Variants in ZHX2 observed in about 807,000 individuals in gnomAD.
ZHX2 encodes the protein zinc fingers and homeoboxes protein 2.
Under a neutral mutation model 21.9 loss-of-function variants are expected in ZHX2, and 6 were observed. The observed-to-expected ratio is 0.27, with a 90% CI of 0.15 to 0.54. The LOEUF (loss-of-function observed/expected upper bound fraction) is 0.54, where lower values mean the gene tolerates loss of function less well. Among genes scored for constraint, ZHX2 ranks in the 20% least tolerant of loss-of-function variants. ZHX2 has a pLI of 0.95. For missense variants in ZHX2, 908 were observed against 1,090.7 expected, an observed-to-expected ratio of 0.83 and a Z score of 2.36; for synonymous variants, 434 against 437.1, an observed-to-expected ratio of 0.99 and a Z score of 0.09.
At chr8:122,805,409 A>G (rs776498829) in intron 1 of ZHX2, among the ~76,000 whole-genome samples, 2 of 152,110 alleles carry the variant, frequency 1.3e-5, no homozygotes, top group African/African-American at 2.4e-5. Flanking sequence ...GCCACTCGAA[A>G]TCTGAGTGAC....
chr8:122,850,842 T>C (rs1289130093), intron 1 of ZHX2, among the ~76,000 whole-genome samples: 1 of 151,742 alleles, frequency 6.6e-6, no homozygotes. Context: ...CTCCACTCAT[T>C]CCCCTATCTC....
intron 2 of ZHX2, among the ~76,000 whole-genome samples, chr8:122,877,996 A>C (rs1421664898): frequency 1.3e-5 from 2 of 152,180 alleles, no homozygotes; most frequent in Non-Finnish European, 2.9e-5. Context: ...GGGGGAGAGC[A>C]AAGCTTGTAG....
chr8:122,925,675 C>T (rs779732184), intron 2 of ZHX2, among the ~76,000 whole-genome samples: 3 of 152,064 alleles, frequency 2.0e-5, no homozygotes, highest in Admixed American at 6.6e-5. Context: ...GAGAACAGCT[C>T]GAGCAAAGCC....
At chr8:122,877,742 A>G (rs577050927) in intron 2 of ZHX2, among the ~76,000 whole-genome samples, 1 of 152,060 alleles carries the variant, frequency 6.6e-6, no homozygotes, top group Non-Finnish European at 1.5e-5. Context: ...GACTGAGAGG[A>G]TGGGACTGGA....
chr8:122,913,164 G>C (rs1394351623), intron 2 of ZHX2, among the ~76,000 whole-genome samples: 1 of 152,056 alleles, frequency 6.6e-6, no homozygotes, highest in Non-Finnish European at 1.5e-5. Flanking sequence ...TTAGCGTAGT[G>C]GTTTTAAGGT....
At position 122,953,358 on chromosome 8, in the gene ZHX2, G is replaced by C. The variant is rs943900013; in HGVS notation, c.1848G>C (p.Gln616His). The C allele has an allele frequency of 3.1e-6, 5 of 1,613,990 alleles. No individual in the cohort carries two copies. The highest frequency in any genetic ancestry group is 4.2e-6 in the Non-Finnish European group (5 of 1,180,042). ...ATGGTGCTCTGTCTCGACTCGACCA[G>C]CTCTCCGGTGCCCAGTTAACAAGTT... Reference protein sequence around the residue: ...APNGALSRLDQLSGAQLTSSL... With the variant: ...APNGALSRLDHLSGAQLTSSL... Residue 616 changes from glutamine to histidine, a missense_variant, in exon 3 of 4, where the codon CAG (glutamine) becomes CAC (histidine). Gln to His is a conservative substitution (Grantham distance 24). This residue lies in a region of ZHX2 where 431 missense variants were observed against 428.6 expected (regional missense o/e 1.01). Coordinates refer to ENST00000314393, the MANE Select transcript of ZHX2 (RefSeq NM_014943.5). The surrounding 1 kb of genome is among the most constrained non-coding windows in gnomAD (Gnocchi z 4.6).
chr8:122,952,601 C>T lies in ZHX2; in HGVS notation c.1091C>T (p.Thr364Met), dbSNP rs369120446. The change falls in exon 3 of 4, where the codon ACG (threonine) becomes ATG (methionine). Residue 364 changes from threonine (T) to methionine (M), a missense_variant. By Grantham distance (81) the Thr-to-Met change is moderately conservative. Transcript: ENST00000314393. The surrounding 1 kb of genome is among the most constrained non-coding windows in gnomAD (Gnocchi z 6.9). ...AAGGTGACGCAGCCCATCCTCCAGA[C>T]GGCTCTACCGTGCCAGATCCTCGGC... ...PTKVTQPILQ[T>M]ALPCQILGQT... 62 of 1,614,068 alleles carry T rather than the reference C, an allele frequency of 3.8e-5. No individual in the cohort carries two copies. The highest frequency in any genetic ancestry group is 4.7e-5 in the Non-Finnish European group (55 of 1,180,044).
At chr8:122,857,391 C>G (rs999182841) in intron 1 of ZHX2, among the ~76,000 whole-genome samples, 1 of 152,124 alleles carries the variant, frequency 6.6e-6, no homozygotes, top group Non-Finnish European at 1.5e-5. Flanking sequence ...GCTGCCCTTC[C>G]CAATGCCAGA....
intron 1 of ZHX2, among the ~76,000 whole-genome samples, chr8:122,861,863 G>T (rs541436507): frequency 1.3e-5 from 2 of 152,152 alleles, no homozygotes; most frequent in Admixed American, 6.5e-5. Flanking sequence ...TGTTCTTCTC[G>T]CAGGTCAGTG....
intron 2 of ZHX2, among the ~76,000 whole-genome samples, chr8:122,912,253 C>A (rs550790456): frequency 6.6e-6 from 1 of 152,160 alleles, no homozygotes; most frequent in South Asian, 2.1e-4. Flanking sequence ...GTGGCAGAAA[C>A]GGCCTGGGAG....
Position 122,953,025 on chromosome 8 carries a change from C to T in ZHX2, c.1515C>T (p.Ser505=), listed in dbSNP as rs1483130302. Residue 505 remains serine, a synonymous_variant, in exon 3 of 4, where the codon TCC becomes TCT. Coordinates refer to ENST00000314393, the MANE Select transcript of ZHX2 (RefSeq NM_014943.5). This position sits in a 1 kb window ranked among gnomAD's most constrained non-coding sequence, Gnocchi z 4.6. ...GCATCGTCCACATCACCAGCGAATC[C>T]CTTGCCAAAGACCAGTTGGCCATCG... ...QRGIVHITSE[S]LAKDQLAIAA... 5.0e-6 allele frequency: 8 copies of T among 1,613,988 alleles called. No homozygotes were observed. Among genetic ancestry groups the T allele is most frequent in the Non-Finnish European group, 6.8e-6 (8 of 1,180,030 alleles).
At chr8:122,838,336 A>C (rs1165224424) in intron 1 of ZHX2, among the ~76,000 whole-genome samples, 2 of 152,168 alleles carry the variant, frequency 1.3e-5, no homozygotes, top group Non-Finnish European at 2.9e-5. Flanking sequence ...TTGTCTATGT[A>C]AGAGAAACTC....
chr8:122,808,748 C>T (rs1165863756), intron 1 of ZHX2: 1 of 152,224 alleles, frequency 6.6e-6, no homozygotes, highest in African/African-American at 2.4e-5. Flanking sequence ...TCCAGATTTA[C>T]AGCTGAGGAA....
intron 2 of ZHX2, among the ~76,000 whole-genome samples, chr8:122,866,570 C>T (rs902499896): frequency 4.6e-5 from 7 of 152,160 alleles, no homozygotes; most frequent in African/African-American, 1.4e-4. Context: ...TAAAACTATT[C>T]TAGATTCCTT....
chr8:122,948,183 T>C (rs1201205897), intron 2 of ZHX2, among the ~76,000 whole-genome samples: 1 of 152,152 alleles, frequency 6.6e-6, no homozygotes. Context: ...CAGAGTTGTT[T>C]GTGAAAATAA....
At chr8:122,849,062 G>T (rs577215081) in intron 1 of ZHX2, among the ~76,000 whole-genome samples, 2 of 152,162 alleles carry the variant, frequency 1.3e-5, no homozygotes, top group Non-Finnish European at 2.9e-5. Flanking sequence ...TCCACTGGTG[G>T]CTACCAAGAA....
chr8:122,973,185 C>A (rs531336403), intron 3 of ZHX2, 57 bp from the exon 4 acceptor site: 2 of 152,380 alleles, frequency 1.3e-5, no homozygotes, highest in African/African-American at 4.8e-5. Flanking sequence ...TGCCTTCCCC[C>A]CAGGGAACAA....
At chr8:122,854,752 C>T (rs1223936332) in intron 1 of ZHX2, among the ~76,000 whole-genome samples, 1 of 152,208 alleles carries the variant, frequency 6.6e-6, no homozygotes, top group Non-Finnish European at 1.5e-5. Context: ...GCTCCCATGG[C>T]ACCTCCAACC....
intron 3 of ZHX2, among the ~76,000 whole-genome samples, chr8:122,954,802 T>C (rs551499987): frequency 6.6e-6 from 1 of 152,264 alleles, no homozygotes. Context: ...CTGTGTGTTT[T>C]GTGTTTGTTG....
Sources: allele counts gnomAD v4.1 joint callset (sites outside exome capture counted in the v4.1 genomes callset), GRCh38; gene constraint gnomAD v4.1.1; regional missense constraint gnomAD v4.1.1; non-coding constraint Gnocchi (gnomAD v3.1); transcripts MANE v1.5; gene names NCBI Gene and HGNC (gene_info 2026-07-23, HGNC 2026-07-21).